Variants in TUBGCP2 observed in about 807,000 individuals in gnomAD.
TUBGCP2 encodes tubulin gamma complex component 2.
A neutral mutation model predicts 92.2 loss-of-function variants in TUBGCP2; 55 were observed. The observed-to-expected ratio is 0.60, with a 90% confidence interval of 0.48 to 0.75. TUBGCP2 has a LOEUF of 0.75. Ranked by LOEUF, TUBGCP2 falls within the 30% of genes least tolerant of loss-of-function variation. The pLI is 0.00. For missense variants in TUBGCP2, 1,093 were observed against 1,188.9 expected, an observed-to-expected ratio of 0.92 and a Z score of 1.19; for synonymous variants, 533 against 505.2, an observed-to-expected ratio of 1.06 and a Z score of -0.74.
upstream of TUBGCP2, chr10:133,309,183 G>C (rs981508363): frequency 1.2e-5 from 17 of 1,375,946 alleles, no homozygotes; most frequent in Admixed American, 5.6e-4. Context: ...GAGTGGGAGG[G>C]GCCTACGACT....
Position 133,308,822 on chromosome 10 carries a change from C to A in TUBGCP2, c.-40+1G>T. 1.2e-6 allele frequency: 1 copy of A among 862,880 alleles called. No homozygotes were observed. Among genetic ancestry groups the A allele is most frequent in the Non-Finnish European group, 1.5e-6 (1 of 663,800 alleles). 53.5% of individuals were successfully genotyped at this position (862,880 alleles called of 1,614,324 possible). On this transcript the variant is annotated splice_donor_variant, in intron 1 of 17. Transcript: ENST00000252936. LOFTEE classifies it low-confidence loss of function (5UTR_SPLICE). ...CGCGCCCGCGTTCGGCCAGGACTCA[C>A]CGCAGTCCCGGAGCCACAGCCCCCG...
chr10:133,287,980 C>G, intron 11 of TUBGCP2, 149 bp downstream of exon 11: 2 of 1,152,314 alleles, frequency 1.7e-6, no homozygotes, highest in Non-Finnish European at 2.3e-6. Flanking sequence ...TCCCGGCAAG[C>G]CGGCCCCGGT....
chr10:133,288,441 C>T lies in TUBGCP2; in HGVS notation c.1542-132G>A, dbSNP rs192075040. The T allele has an allele frequency of 5.0e-4, 538 of 1,082,262 alleles. 2 individuals carry two copies. In the African/African-American group the frequency reaches 5.9e-3, roughly 12 times the overall value. 67.0% of individuals were successfully genotyped at this position (1,082,262 alleles called of 1,614,324 possible). ...GAGCAGGCGTGAGCACGTGCCCACC[C>T]GCAGGTGCCCGCCACGGCCAGGGAG... On this transcript the variant is annotated intron_variant, in intron 10 of 17. Transcript: ENST00000252936.
Position 133,299,567 on chromosome 10 carries a change from CTCTT to C in TUBGCP2, c.312_315del (p.Arg105LeufsTer32). ...CCCACAGCAGCGGCTGCAAGCTCAGCTCTTTCTTTTGCATTCTGTTGTAAGTACT... is the reference window on the plus strand; with the variant it reads ...CCCACAGCAGCGGCTGCAAGCTCAGCTCTTTTGCATTCTGTTGTAAGTACT... On this transcript the variant is annotated frameshift_variant, in exon 4 of 18. Coordinates refer to ENST00000252936, the MANE Select transcript of TUBGCP2 (RefSeq NM_006659.4). LOFTEE classifies it high-confidence loss of function. 1.2e-6 allele frequency: 2 copies of C among 1,613,226 alleles called. No individual in the cohort carries two copies. The highest frequency in any genetic ancestry group is 1.3e-5 in the African/African-American group (1 of 74,986).
At chr10:133,301,699 CCTTTTT>C (rs1847658904) in intron 2 of TUBGCP2, 1 of 137,666 alleles carries the variant, frequency 7.3e-6, no homozygotes, top group African/African-American at 2.9e-5. Context: ...CCAGTCCCTC[CCTTTTT>C]TTTTTTTTTT....
chr10:133,297,704 G>A (rs1013580545), intron 5 of TUBGCP2, among the ~76,000 whole-genome samples: 3 of 152,246 alleles, frequency 2.0e-5, no homozygotes, highest in African/African-American at 7.2e-5. Flanking sequence ...AGAAGGGACA[G>A]GAGAAGAACC....
At position 133,285,315 on chromosome 10, in the gene TUBGCP2, C is replaced by T. The variant is rs1363338006; in HGVS notation, c.1896-102G>A. The T allele has an allele frequency of 2.6e-5, 42 of 1,591,174 alleles. No homozygotes were observed. Among genetic ancestry groups the T allele is most frequent in the Non-Finnish European group, 3.5e-5 (41 of 1,171,774 alleles). On this transcript the variant is annotated intron_variant, in intron 12 of 17. Transcript: ENST00000252936. This position sits in a 1 kb window ranked among gnomAD's most constrained non-coding sequence, Gnocchi z 6.8. The stretch of plus-strand genomic sequence containing the variant: ...GTCCGCACCGTGGCCCCCGGACAGC[C>T]CGTGAATCTCTCGGACACTGAAGGC...
chr10:133,302,363 G>A (rs1589836227), intron 2 of TUBGCP2: 2 of 155,874 alleles, frequency 1.3e-5, no homozygotes, highest in Non-Finnish European at 2.4e-5. Context: ...CCTGCACCCC[G>A]CACAGCCCTG....
intron 8 of TUBGCP2, among the ~76,000 whole-genome samples, chr10:133,291,833 CCCATGTCCCT>C (rs1320737803): frequency 4.7e-4 from 5 of 10,576 alleles, no homozygotes; most frequent in Admixed American, 1.8e-3. Context: ...CTCCGTGTCC[CCCATGTCCCT>C]CCGTGTCCCT....
At chr10:133,305,398 G>C (rs1044367049) in intron 1 of TUBGCP2, among the ~76,000 whole-genome samples, 1 of 152,126 alleles carries the variant, frequency 6.6e-6, no homozygotes, top group Non-Finnish European at 1.5e-5. Flanking sequence ...TCTTTACCCT[G>C]CCCCTTTTGC....
chr10:133,305,981 C>G lies in TUBGCP2; in HGVS notation c.-40+2842G>C, dbSNP rs543904982. On this transcript the variant is annotated intron_variant, in intron 1 of 17. Transcript: ENST00000252936. Reference sequence around the variant, plus strand: ...TTCTGAAAAGGGGAAGCCCTAGGTCCTGCGTAGAGCTGTGGTAGAGAGAAG... The same window carrying G: ...TTCTGAAAAGGGGAAGCCCTAGGTCGTGCGTAGAGCTGTGGTAGAGAGAAG... 5.1e-4 allele frequency among the ~76,000 whole-genome samples: 77 copies of G among 152,358 alleles called. 1 individual carries two copies. The South Asian group carries it at 6.0e-3, about 12-fold the overall frequency.
chr10:133,309,529 C>G, upstream of TUBGCP2: 1 of 1,532,060 alleles, frequency 6.5e-7, no homozygotes, highest in Non-Finnish European at 8.9e-7. Context: ...GTGCCTGGTC[C>G]CTGGGGCTGT....
rs558143765 is a variant in TUBGCP2, at chr10:133,305,663, G to A, written c.-39-2683C>T. On this transcript the variant is annotated intron_variant, in intron 1 of 17. Transcript: ENST00000252936. ...CTAATTCACTAACGATTATTAGCAC[G>A]GGACTCGACACCGAGATTCTAATCC... Among the ~76,000 whole-genome samples the A allele has an allele frequency of 9.6e-4, 146 of 151,748 alleles. 1 individual carries two copies. The highest frequency in any genetic ancestry group is 3.4e-3 in the African/African-American group (142 of 41,342).
At position 133,297,389 on chromosome 10, in the gene TUBGCP2, T is replaced by G. The variant is rs760447640; in HGVS notation, c.616+563A>C. The G allele has an allele frequency of 7.3e-5, 33 of 450,736 alleles. No individual in the cohort carries two copies. In the East Asian group the frequency reaches 2.2e-3, roughly 30 times the overall value. The allele number at this position is 450,736 out of a possible 1,614,324, so 27.9% of individuals were successfully genotyped here. ...CTTCAGCCTGGGCGACAGAGCGAGA[T>G]TCCATCTCAAAAGAACTAAAAATAA... On this transcript the variant is annotated intron_variant, in intron 5 of 17. Transcript: ENST00000252936.
intron 8 of TUBGCP2, chr10:133,291,114 CATAAGCAGCT>C (rs1847275561): frequency 3.2e-6 from 1 of 313,696 alleles, no homozygotes; most frequent in Admixed American, 4.7e-5. Flanking sequence ...AGAATAAGGC[CATAAGCAGCT>C]GGGCCATTCC....
intron 3 of TUBGCP2, 46 bp downstream of exon 3, chr10:133,299,939 A>G (rs1189158365): frequency 1.2e-6 from 2 of 1,602,486 alleles, no homozygotes; most frequent in Admixed American, 1.7e-5. Flanking sequence ...CCCACTCCCA[A>G]CATGGGCCGT....
chr10:133,286,108 A>G (rs1398053987), intron 11 of TUBGCP2, among the ~76,000 whole-genome samples: 1 of 152,146 alleles, frequency 6.6e-6, no homozygotes, highest in Non-Finnish European at 1.5e-5. Flanking sequence ...TCGCACAACG[A>G]CAGGACAGGA....
At chr10:133,296,176 G>C (rs1847483783) in intron 5 of TUBGCP2, among the ~76,000 whole-genome samples, 1 of 152,230 alleles carries the variant, frequency 6.6e-6, no homozygotes, top group Non-Finnish European at 1.5e-5. Context: ...AGCGTTACTG[G>C]ACAGTGCGTT....
upstream of TUBGCP2, among the ~76,000 whole-genome samples, chr10:133,310,887 C>T (rs1305475434): frequency 6.6e-6 from 1 of 152,082 alleles, no homozygotes; most frequent in Non-Finnish European, 1.5e-5. Flanking sequence ...CTGCAACCTC[C>T]ACTTCTCAGG....
Sources: gnomAD v4.1 joint callset for allele counts (sites outside exome capture counted in the v4.1 genomes callset) on GRCh38, gnomAD v4.1.1 for gene constraint, Gnocchi (gnomAD v3.1) non-coding constraint, MANE v1.5 for transcripts, NCBI Gene and HGNC (gene_info 2026-07-23, HGNC 2026-07-21) for gene names.